The following GPHN variants were observed in gnomAD, a reference collection of about 807,000 sequenced individuals.
The protein encoded by GPHN is gephyrin.
Under a neutral mutation model 95.5 loss-of-function variants are expected in GPHN, and 17 were observed. The ratio of observed to expected loss-of-function variants is 0.18; its 90% CI spans 0.12 to 0.27. The LOEUF (loss-of-function observed/expected upper bound fraction) is 0.27. GPHN is among the 10% of genes least tolerant of loss of function. The probability of loss-of-function intolerance (pLI) is 1.00; values close to 1 mark genes in which losing one functional copy is unlikely to be tolerated. For synonymous variants in GPHN, 320 were observed against 322.5 expected, an observed-to-expected ratio of 0.99 and a Z score of 0.08; for missense variants, 660 against 978.1, an observed-to-expected ratio of 0.67 and a Z score of 4.34.
chr14:67,416,813 G>T, the GPHN span, among the ~76,000 whole-genome samples: 2 of 152,330 alleles, frequency 1.3e-5, no homozygotes, highest in South Asian at 4.1e-4. Flanking sequence ...TAATTCCGGG[G>T]ACACTGCAGT....
intron 3 of GPHN, among the ~76,000 whole-genome samples, chr14:66,821,051 T>C (rs1566979735): frequency 6.6e-6 from 1 of 152,220 alleles, no homozygotes; most frequent in Admixed American, 6.5e-5. Flanking sequence ...TTTCATAAGT[T>C]GCTTTCATGA....
the GPHN span, among the ~76,000 whole-genome samples, chr14:67,331,521 G>C: frequency 2.6e-5 from 4 of 152,138 alleles, no homozygotes; most frequent in Admixed American, 6.5e-5. Context: ...ATGAAGGCTT[G>C]AGAGTGGCTA....
chr14:66,578,989 T>C (rs1859260879), intron 1 of GPHN, among the ~76,000 whole-genome samples: 1 of 151,792 alleles, frequency 6.6e-6, no homozygotes, highest in African/African-American at 2.4e-5. Flanking sequence ...GAAGGTTAAA[T>C]ATAAAGTAGT....
At chr14:66,938,188 T>C (rs2067227004) in intron 8 of GPHN, among the ~76,000 whole-genome samples, 3 of 152,204 alleles carry the variant, frequency 2.0e-5, no homozygotes, top group African/African-American at 2.4e-5. Flanking sequence ...GACATTCTTA[T>C]TAGGATTGCA....
chr14:67,247,174 T>C, the GPHN span, among the ~76,000 whole-genome samples: 1 of 152,246 alleles, frequency 6.6e-6, no homozygotes, highest in African/African-American at 2.4e-5. Context: ...TTCTCATCTA[T>C]GAACATGCTA....
chr14:67,150,053 TAATC>T (rs1479824456), intron 18 of GPHN, among the ~76,000 whole-genome samples: 1 of 152,196 alleles, frequency 6.6e-6, no homozygotes, highest in Non-Finnish European at 1.5e-5. Context: ...GATGATTTAT[TAATC>T]AATTCAGTTT....
At chr14:66,909,397 A>T (rs1010549934) in intron 5 of GPHN, among the ~76,000 whole-genome samples, 87 of 152,078 alleles carry the variant, frequency 5.7e-4, no homozygotes, top group African/African-American at 2.1e-3. Context: ...GTGAATATTC[A>T]TTGTGAACAT....
intron 11 of GPHN, among the ~76,000 whole-genome samples, chr14:67,063,344 G>T (rs1043614225): frequency 6.6e-6 from 1 of 152,056 alleles, no homozygotes; most frequent in Non-Finnish European, 1.5e-5. Flanking sequence ...GCCTTGTAGT[G>T]TAGTTTGAAG....
the GPHN span, chr14:67,733,888 C>T: frequency 6.9e-7 from 1 of 1,454,706 alleles, no homozygotes. Flanking sequence ...CCAATCCATG[C>T]CATAATGAAC....
At chr14:67,600,378 T>TTAATGA in the GPHN span, 1 of 557,968 alleles carries the variant, frequency 1.8e-6, no homozygotes, top group Non-Finnish European at 3.1e-6. Flanking sequence ...TTGTGCGTTC[T>TTAATGA]TCCGGGCCGG....
At chr14:67,258,920 C>T in the GPHN span, among the ~76,000 whole-genome samples, 1 of 152,086 alleles carries the variant, frequency 6.6e-6, no homozygotes, top group Admixed American at 6.5e-5. Context: ...CTGCTCACTG[C>T]AGCCTCCCAC....
At chr14:67,286,258 C>G in the GPHN span, among the ~76,000 whole-genome samples, 1 of 152,154 alleles carries the variant, frequency 6.6e-6, no homozygotes, top group South Asian at 2.1e-4. Flanking sequence ...TCTCACTAGC[C>G]TTGTGGTTCT....
chr14:67,275,168 T>G, the GPHN span, among the ~76,000 whole-genome samples: 1 of 152,126 alleles, frequency 6.6e-6, no homozygotes, highest in South Asian at 2.1e-4. Context: ...TGAATAGGAG[T>G]GGTGAGAGAG....
the GPHN span, among the ~76,000 whole-genome samples, chr14:67,231,880 A>C: frequency 2.6e-4 from 39 of 151,770 alleles, no homozygotes; most frequent in Non-Finnish European, 3.7e-4. Flanking sequence ...GAGGTAGGAG[A>C]ATTGCTTGAA....
intron 17 of GPHN, among the ~76,000 whole-genome samples, chr14:67,142,125 A>G (rs1313553266): frequency 6.6e-6 from 1 of 152,220 alleles, no homozygotes; most frequent in Non-Finnish European, 1.5e-5. Context: ...TGTTCTCATT[A>G]GATGTCCATA....
At chr14:67,460,638 A>G in the GPHN span, among the ~76,000 whole-genome samples, 7 of 152,188 alleles carry the variant, frequency 4.6e-5, no homozygotes, top group Non-Finnish European at 1.0e-4. Flanking sequence ...CGGGAGGCAG[A>G]GGTTGTGGTG....
the GPHN span, among the ~76,000 whole-genome samples, chr14:67,518,020 T>G: frequency 0.42 from 63,970 of 152,070 alleles, 14,025 homozygotes; most frequent in Non-Finnish European, 0.48. Flanking sequence ...ACCCAAAGAA[T>G]GCTGAAACTT....
At position 67,172,008 on chromosome 14, in the gene GPHN, C is replaced by T. The variant is rs190794782; in HGVS notation, c.2079+2972C>T. 9.9e-5 allele frequency among the ~76,000 whole-genome samples: 15 copies of T among 152,278 alleles called. No homozygotes were observed. In the East Asian group the frequency reaches 2.9e-3, roughly 29 times the overall value. On this transcript the variant is annotated intron_variant, in intron 21 of 22. Coordinates refer to ENST00000478722, the MANE Select transcript of GPHN (RefSeq NM_020806.5). Reference sequence around the variant, plus strand: ...CTGGAGTCCACAGAGCTATGCTCCCCCCAGTAAAGGAGTCAACGCTATGCT... The same window carrying T: ...CTGGAGTCCACAGAGCTATGCTCCCTCCAGTAAAGGAGTCAACGCTATGCT...
At chr14:67,342,316 G>C in the GPHN span, among the ~76,000 whole-genome samples, 1 of 151,630 alleles carries the variant, frequency 6.6e-6, no homozygotes, top group South Asian at 2.1e-4. Context: ...TACCCTTCTA[G>C]TGTCTTTTCT....
Sources: allele counts gnomAD v4.1 joint callset (sites outside exome capture counted in the v4.1 genomes callset), GRCh38; gene constraint gnomAD v4.1.1; transcripts MANE v1.5; gene names NCBI Gene and HGNC (gene_info 2026-07-23, HGNC 2026-07-21).